Variants in TRPM3 observed in about 807,000 individuals in gnomAD.
The protein encoded by TRPM3 is transient receptor potential cation channel subfamily M member 3.
A neutral mutation model predicts 181.2 loss-of-function variants in TRPM3; 77 were observed. The observed-to-expected ratio is 0.42, with a 90% CI of 0.35 to 0.51. The LOEUF (loss-of-function observed/expected upper bound fraction) is 0.51, where lower values mean the gene tolerates loss of function less well. Among genes scored for constraint, TRPM3 ranks in the 20% least tolerant of loss-of-function variants. The pLI, the probability that TRPM3 is intolerant of heterozygous loss-of-function variation, is 0.01. For missense variants in TRPM3, 1,759 were observed against 2,196.7 expected, an observed-to-expected ratio of 0.80 and a Z score of 3.98; for synonymous variants, 745 against 796.4, an observed-to-expected ratio of 0.94 and a Z score of 1.09.
chr9:71,037,190 T>C (rs1173087567), intron 1 of TRPM3, among the ~76,000 whole-genome samples: 1 of 152,222 alleles, frequency 6.6e-6, no homozygotes, highest in Admixed American at 6.5e-5. Context: ...CCAGTCTTGA[T>C]CTATTCTTAT....
intron 1 of TRPM3, among the ~76,000 whole-genome samples, chr9:71,283,191 G>A (rs954444588): frequency 1.3e-5 from 2 of 152,306 alleles, no homozygotes; most frequent in Non-Finnish European, 2.9e-5. Flanking sequence ...GATACTTCAT[G>A]TAAGTGGAAC....
intron 1 of TRPM3, among the ~76,000 whole-genome samples, chr9:71,277,121 A>C (rs2084275203): frequency 6.9e-6 from 1 of 144,770 alleles, no homozygotes; most frequent in African/African-American, 2.5e-5. Flanking sequence ...AGGAATTCCA[A>C]AAAAGCTTAT....
intron 6 of TRPM3, chr9:70,811,035 T>G (rs1042245554): frequency 4.3e-6 from 3 of 698,484 alleles, no homozygotes; most frequent in Non-Finnish European, 7.3e-6. Context: ...TGTGGTTGAA[T>G]GTCAGAAGAG....
intron 1 of TRPM3, among the ~76,000 whole-genome samples, chr9:71,287,761 TTA>T (rs1467824215): frequency 2.6e-5 from 4 of 152,206 alleles, no homozygotes; most frequent in Non-Finnish European, 5.9e-5. Context: ...TATACATGTG[TTA>T]TTTTCATTAA....
At chr9:70,577,179 T>A in intron 22 of TRPM3, among the ~76,000 whole-genome samples, 1 of 152,244 alleles carries the variant, frequency 6.6e-6, no homozygotes, top group East Asian at 1.9e-4. Flanking sequence ...ATGAAGTACA[T>A]GCCAAGGCCT....
At chr9:71,211,496 G>A (rs553997432) in intron 1 of TRPM3, among the ~76,000 whole-genome samples, 1 of 152,078 alleles carries the variant, frequency 6.6e-6, no homozygotes, top group African/African-American at 2.4e-5. Context: ...CACATATTAG[G>A]TGGCTTAAAA....
At chr9:70,952,747 G>C (rs923555505) in intron 1 of TRPM3, among the ~76,000 whole-genome samples, 1 of 152,090 alleles carries the variant, frequency 6.6e-6, no homozygotes, top group Non-Finnish European at 1.5e-5. Context: ...AATCTTGTGG[G>C]GGATTGTTGG....
chr9:70,898,424 A>T (rs1356586017), intron 1 of TRPM3, among the ~76,000 whole-genome samples: 1 of 149,236 alleles, frequency 6.7e-6, no homozygotes, highest in Admixed American at 6.7e-5. Flanking sequence ...GCCCGGCCAC[A>T]ATAAATTTAA....
chr9:71,162,213 A>AAG (rs1266797440), intron 1 of TRPM3, among the ~76,000 whole-genome samples: 3 of 151,050 alleles, frequency 2.0e-5, no homozygotes, highest in Non-Finnish European at 4.4e-5. Context: ...AAAAAAAAAA[A>AAG]AAAAAAAGAA....
chr9:71,295,000 G>T (rs1308146997), intron 1 of TRPM3, among the ~76,000 whole-genome samples: 1 of 152,138 alleles, frequency 6.6e-6, no homozygotes, highest in African/African-American at 2.4e-5. Flanking sequence ...TGTAAGAGGA[G>T]AGTACACAGG....
intron 1 of TRPM3, among the ~76,000 whole-genome samples, chr9:70,900,665 C>T (rs967308835): frequency 1.3e-5 from 2 of 152,166 alleles, no homozygotes; most frequent in African/African-American, 4.8e-5. Context: ...TGCACCTCCT[C>T]GTCTCCTCTT....
chr9:70,912,293 G>A (rs573955366), intron 1 of TRPM3, among the ~76,000 whole-genome samples: 1 of 152,278 alleles, frequency 6.6e-6, no homozygotes, highest in Admixed American at 6.5e-5. Context: ...AAGGTATGAA[G>A]TTAAGAATAT....
At chr9:70,580,699 ATC>A (rs1052387441) in intron 22 of TRPM3, among the ~76,000 whole-genome samples, 1 of 152,214 alleles carries the variant, frequency 6.6e-6, no homozygotes, top group African/African-American at 2.4e-5. Flanking sequence ...CCCTGTCATT[ATC>A]TGTCTGAAAA....
intron 1 of TRPM3, chr9:70,917,452 C>A: frequency 1.3e-6 from 1 of 764,780 alleles, no homozygotes; most frequent in Non-Finnish European, 2.4e-6. Flanking sequence ...TGGAGTGGAA[C>A]AAGGCCACCC....
At chr9:70,777,981 T>TG (rs1564237880) in intron 7 of TRPM3, among the ~76,000 whole-genome samples, 12 of 121,844 alleles carry the variant, frequency 9.8e-5, no homozygotes, top group African/African-American at 2.8e-4. Context: ...TATATAAATT[T>TG]AACAGACACA....
In TRPM3 at chr9:70,603,120, G is replaced by A. The variant is rs2060375387; in HGVS notation, c.2796+222C>T. Among the ~76,000 whole-genome samples the A allele has an allele frequency of 2.0e-5, 3 of 152,174 alleles. 1 individual carries two copies. In the South Asian group the frequency reaches 6.2e-4, roughly 32 times the overall value. On this transcript the variant is annotated intron_variant, in intron 20 of 25. Transcript: ENST00000677713. ...TTGGGACAAAGGCTACGTTAGCAGA[G>A]AATAGACCAAATCCTAAGCACTCAG...
At chr9:71,097,629 G>C (rs984313636) in intron 1 of TRPM3, among the ~76,000 whole-genome samples, 2 of 150,348 alleles carry the variant, frequency 1.3e-5, no homozygotes, top group African/African-American at 4.9e-5. Context: ...AAAAAAAAAA[G>C]TCCCACTATT....
At chr9:71,160,189 T>C (rs11142707) in intron 1 of TRPM3, among the ~76,000 whole-genome samples, 35,911 of 152,048 alleles carry the variant, frequency 0.24, 4,953 homozygotes, top group African/African-American at 0.38. Context: ...TCTTAATGGT[T>C]CTGTCATCCC....
intron 1 of TRPM3, among the ~76,000 whole-genome samples, chr9:71,052,651 C>T (rs1417427508): frequency 1.3e-5 from 2 of 152,072 alleles, no homozygotes; most frequent in Admixed American, 6.6e-5. Flanking sequence ...CACGTCCATT[C>T]AAACAAACCA....
Sources: gnomAD v4.1 joint callset for allele counts (sites outside exome capture counted in the v4.1 genomes callset) on GRCh38, gnomAD v4.1.1 for gene constraint, MANE v1.5 for transcripts, NCBI Gene and HGNC (gene_info 2026-07-23, HGNC 2026-07-21) for gene names.